Variants in ROS1 observed in about 807,000 individuals in gnomAD.
The protein encoded by ROS1 is ROS proto-oncogene 1, receptor tyrosine kinase.
A neutral mutation model predicts 273.5 loss-of-function variants in ROS1; 263 were observed. That is an observed-to-expected ratio of 0.96 (90% confidence interval 0.87 to 1.06). The LOEUF (loss-of-function observed/expected upper bound fraction) is 1.06, where lower values mean the gene tolerates loss of function less well. Ranked by LOEUF, ROS1 falls within the 50% of genes least tolerant of loss-of-function variation. The probability of loss-of-function intolerance (pLI) is 0.00; values close to 1 mark genes in which losing one functional copy is unlikely to be tolerated. For synonymous variants in ROS1, 1,008 were observed against 954.1 expected, an observed-to-expected ratio of 1.06 and a Z score of -1.04; for missense variants, 2,833 against 2,751.1, an observed-to-expected ratio of 1.03 and a Z score of -0.67.
chr6:117,364,798 T>C (rs1350355174), intron 21 of ROS1, among the ~76,000 whole-genome samples: 2 of 152,214 alleles, frequency 1.3e-5, no homozygotes, highest in Non-Finnish European at 2.9e-5. Context: ...GCAAATTACC[T>C]GAAATATGCA....
At chr6:117,402,797 G>A (rs1774055248) in intron 7 of ROS1, among the ~76,000 whole-genome samples, 2 of 151,404 alleles carry the variant, frequency 1.3e-5, no homozygotes, top group Non-Finnish European at 2.9e-5. Flanking sequence ...CTGAGGCAGG[G>A]GAATCACTTG....
intron 43 of ROS1, among the ~76,000 whole-genome samples, chr6:117,295,588 C>G (rs1343728326): frequency 6.6e-6 from 1 of 152,080 alleles, no homozygotes; most frequent in African/African-American, 2.4e-5. Context: ...GCAAACTACC[C>G]ATCTGACAAG....
chr6:117,316,941 C>T (rs1043927124), intron 39 of ROS1, among the ~76,000 whole-genome samples: 4 of 152,040 alleles, frequency 2.6e-5, no homozygotes, highest in African/African-American at 9.7e-5. Context: ...AAAACAGGCT[C>T]GGGCTCACAT....
At chr6:117,378,858 T>A (rs1562337148) in intron 18 of ROS1, among the ~76,000 whole-genome samples, 1 of 152,302 alleles carries the variant, frequency 6.6e-6, no homozygotes, top group East Asian at 1.9e-4. Flanking sequence ...TACTGTACTC[T>A]CTTCATACCC....
At chr6:117,407,944 C>G (rs1774554898) in intron 5 of ROS1, among the ~76,000 whole-genome samples, 3 of 152,110 alleles carry the variant, frequency 2.0e-5, no homozygotes, top group African/African-American at 7.2e-5. Flanking sequence ...GACAAACCTA[C>G]AAAAACAAGA....
intron 18 of ROS1, among the ~76,000 whole-genome samples, chr6:117,370,058 T>C (rs996854066): frequency 2.0e-5 from 3 of 152,218 alleles, no homozygotes; most frequent in Admixed American, 2.0e-4. Context: ...TATGGATGTA[T>C]GTGTATAAAT....
chr6:117,311,951 T>A (rs944332577), intron 39 of ROS1, among the ~76,000 whole-genome samples: 4 of 152,218 alleles, frequency 2.6e-5, no homozygotes, highest in Admixed American at 6.5e-5. Context: ...AAATTTCCCT[T>A]GTCTCCAGCC....
intron 27 of ROS1, among the ~76,000 whole-genome samples, chr6:117,352,725 A>G (rs1273812441): frequency 6.6e-6 from 1 of 152,190 alleles, no homozygotes; most frequent in Non-Finnish European, 1.5e-5. Context: ...GAGAAGAGAA[A>G]GAGGCCAGGC....
intron 7 of ROS1, among the ~76,000 whole-genome samples, chr6:117,398,981 A>AG (rs2128719504): frequency 1.3e-5 from 2 of 152,072 alleles, no homozygotes; most frequent in South Asian, 2.1e-4. Context: ...AAAAAAAAAA[A>AG]AAAAGGCAAT....
At chr6:117,320,134 A>C in intron 36 of ROS1, 104 bp from the exon 37 acceptor site, 123 of 991,846 alleles carry the variant, frequency 1.2e-4, no homozygotes, top group Non-Finnish European at 1.6e-4. Context: ...GAAATATCTC[A>C]TGGCTTTGCA....
At position 117,385,691 on chromosome 6, in the gene ROS1, T is replaced by A. The variant is rs753311379; in HGVS notation, c.2281A>T (p.Thr761Ser). The A allele has an allele frequency of 6.2e-7, 1 of 1,613,774 alleles. No individual in the cohort carries two copies. ...GCCATGCTTTAACTCACCACATATG[T>A]CTTTCCAGCCCAGTAGAGAAAGTGA... ...LGHFLYWAGK[T>S]YVIQRQSVLT... Residue 761 changes from threonine to serine, a missense_variant, in exon 16 of 44, where the codon ACA becomes TCA. Coordinates refer to ENST00000368507, the MANE Select transcript of ROS1 (RefSeq NM_001378902.1).
At position 117,342,461 on chromosome 6, in the gene ROS1, A is replaced by G. The variant is rs1778019299; in HGVS notation, c.4590T>C (p.Tyr1530=). The G allele has an allele frequency of 6.2e-7, 1 of 1,611,036 alleles. No homozygotes were observed. Among genetic ancestry groups the G allele is most frequent in the Non-Finnish European group, 8.5e-7 (1 of 1,177,848 alleles). The part of the protein sequence containing the change: ...YMIQIAVKNY[Y]SDPLEHLPPG... ...GTGGTAAATGTTCCAAAGGATCTGA[A>G]TAATAATTTTTTACAGCTATCTGTA... The change falls in exon 29 of 44, where the codon TAT becomes TAC. Residue 1530 remains tyrosine, a synonymous_variant. Transcript: ENST00000368507.
intron 18 of ROS1, among the ~76,000 whole-genome samples, chr6:117,366,998 G>A (rs1248587262): frequency 6.6e-6 from 1 of 152,122 alleles, no homozygotes; most frequent in African/African-American, 2.4e-5. Context: ...TCTTGCATTA[G>A]CATAAGAAAG....
intron 40 of ROS1, among the ~76,000 whole-genome samples, chr6:117,310,586 C>T (rs1022916537): frequency 6.6e-6 from 1 of 151,984 alleles, no homozygotes; most frequent in African/African-American, 2.4e-5. Flanking sequence ...TGTTCCCCTC[C>T]CTGTGTCCAT....
chr6:117,373,158 A>G (rs1408903707), intron 18 of ROS1, among the ~76,000 whole-genome samples: 1 of 152,208 alleles, frequency 6.6e-6, no homozygotes, highest in Non-Finnish European at 1.5e-5. Flanking sequence ...ATTGGTGCAT[A>G]TACAATCCTC....
chr6:117,327,352 G>A (rs2128586021), intron 33 of ROS1, among the ~76,000 whole-genome samples: 1 of 152,098 alleles, frequency 6.6e-6, no homozygotes, highest in Non-Finnish European at 1.5e-5. Flanking sequence ...AGGACAGAGT[G>A]TTTTTACACA....
In ROS1 at chr6:117,308,880, A is replaced by C. The variant is rs1306847441; in HGVS notation, c.6465T>G (p.Pro2155=). The C allele has an allele frequency of 6.2e-7, 1 of 1,613,392 alleles. No individual in the cohort carries two copies. The highest frequency in any genetic ancestry group is 1.1e-5 in the South Asian group (1 of 91,060). The change falls in exon 42 of 44, where the codon CCT becomes CCG. Residue 2155 remains proline (P), a synonymous_variant. Coordinates refer to ENST00000368507, the MANE Select transcript of ROS1 (RefSeq NM_001378902.1). ...IWEILTLGHQ[P]YPAHSNLDVL... Reference sequence around the variant, plus strand: ...CATCAAGGTTGGAATGAGCTGGATAAGGCTGATGACCAAGAGTTAAAATCT... The same window carrying C: ...CATCAAGGTTGGAATGAGCTGGATACGGCTGATGACCAAGAGTTAAAATCT...
intron 1 of ROS1, among the ~76,000 whole-genome samples, chr6:117,419,280 T>C (rs1461806792): frequency 3.3e-5 from 5 of 152,178 alleles, no homozygotes; most frequent in Non-Finnish European, 5.9e-5. Context: ...GCTAAAGGAG[T>C]AAATCCATTA....
chr6:117,299,707 TAAAC>T (rs1243766216), intron 43 of ROS1: 1 of 152,196 alleles, frequency 6.6e-6, no homozygotes, highest in Non-Finnish European at 1.5e-5. Context: ...TGCATTTAAA[TAAAC>T]AAAGGGCCTT....
Sources: gnomAD v4.1 joint callset for allele counts (sites outside exome capture counted in the v4.1 genomes callset) on GRCh38, gnomAD v4.1.1 for gene constraint, MANE v1.5 for transcripts, NCBI Gene and HGNC (gene_info 2026-07-23, HGNC 2026-07-21) for gene names.